The following GNB4 variants were observed in gnomAD, a reference collection of about 807,000 sequenced individuals.
GNB4 encodes the protein guanine nucleotide-binding protein subunit beta-4.
A neutral mutation model predicts 45.2 loss-of-function variants in GNB4; 28 were observed. The ratio of observed to expected loss-of-function variants is 0.62; its 90% confidence interval spans 0.46 to 0.85. GNB4 has a LOEUF of 0.85. Ranked by LOEUF, GNB4 falls within the 40% of genes least tolerant of loss-of-function variation. The pLI is 0.00. For missense variants in GNB4, 321 were observed against 425.4 expected (o/e 0.75, Z 2.16); for synonymous variants, 132 against 143.7 (o/e 0.92, Z 0.58).
chr3:179,519,938 C>T, the GNB4 span, among the ~76,000 whole-genome samples: 1 of 152,164 alleles, frequency 6.6e-6, no homozygotes, highest in Admixed American at 6.5e-5. Flanking sequence ...ACTCCCTTTA[C>T]AGTTCCCCCA....
At chr3:179,494,649 C>T in the GNB4 span, among the ~76,000 whole-genome samples, 22 of 152,064 alleles carry the variant, frequency 1.4e-4, no homozygotes, top group Non-Finnish European at 3.2e-4. Context: ...GTGGCTCACG[C>T]CTGTAATCCC....
chr3:179,476,413 C>G, the GNB4 span, among the ~76,000 whole-genome samples: 2 of 152,324 alleles, frequency 1.3e-5, no homozygotes, highest in Non-Finnish European at 2.9e-5. Context: ...TGCTACAGCT[C>G]TCTAGTGTTG....
In GNB4 at chr3:179,398,577, TA is replaced by T. The variant is rs1040442766; in HGVS notation, c.*2635del. The T allele has an allele frequency of 6.6e-5, 10 of 151,802 alleles. No homozygotes were observed. Among genetic ancestry groups the T allele is most frequent in the African/African-American group, 2.4e-4 (10 of 41,254 alleles). The allele number at this position is 151,802 out of a possible 1,614,324, so 9.4% of individuals were successfully genotyped here. ...CAATATTCTTGATGATGCAAATTTT[TA>T]AAAACTAAATCCAGCCAGATTTTTC... On this transcript the variant is annotated 3_prime_UTR_variant, in exon 10 of 10. Transcript: ENST00000232564.
chr3:179,449,906 A>G (rs999966507), intron 1 of GNB4, among the ~76,000 whole-genome samples: 1 of 152,206 alleles, frequency 6.6e-6, no homozygotes, highest in Admixed American at 6.5e-5. Context: ...TAAAGTGTAA[A>G]AGTATGTGCT....
chr3:179,450,118 T>C (rs771800367), intron 1 of GNB4, among the ~76,000 whole-genome samples: 2 of 152,120 alleles, frequency 1.3e-5, no homozygotes, highest in Non-Finnish European at 2.9e-5. Context: ...TTTAAAAGTT[T>C]CTATTTCAGT....
chr3:179,520,650 G>C, the GNB4 span, among the ~76,000 whole-genome samples: 3 of 152,068 alleles, frequency 2.0e-5, no homozygotes, highest in African/African-American at 7.2e-5. Flanking sequence ...GGCTCCTTCA[G>C]CTGTACTCAC....
chr3:179,509,182 C>T, the GNB4 span, among the ~76,000 whole-genome samples: 4 of 151,204 alleles, frequency 2.6e-5, no homozygotes, highest in Admixed American at 6.6e-5. Flanking sequence ...CACACACACA[C>T]ACACACACAC....
At chr3:179,440,880 T>TAGATAGAGAGAGAG (rs1553769655) in intron 1 of GNB4, among the ~76,000 whole-genome samples, 53 of 149,124 alleles carry the variant, frequency 3.6e-4, no homozygotes, top group African/African-American at 1.2e-3. Flanking sequence ...TATAGATAGA[T>TAGATAGAGAGAGAG]AGAGAGAGAG....
At chr3:179,417,600 C>T (rs145647719) in intron 4 of GNB4, among the ~76,000 whole-genome samples, 489 of 152,240 alleles carry the variant, frequency 3.2e-3, no homozygotes, top group Admixed American at 7.7e-3. Flanking sequence ...GTTGGTCAGG[C>T]TGGTCTTGAA....
the GNB4 span, among the ~76,000 whole-genome samples, chr3:179,482,807 G>A: frequency 0.015 from 2,251 of 152,282 alleles, 63 homozygotes; most frequent in African/African-American, 0.052. Context: ...CTTATGGCAG[G>A]TGGAAAAGTC....
At chr3:179,467,740 T>C in the GNB4 span, among the ~76,000 whole-genome samples, 2 of 152,164 alleles carry the variant, frequency 1.3e-5, no homozygotes, top group African/African-American at 4.8e-5. Context: ...GGATTGAAGG[T>C]AAAATGACTG....
In GNB4 at chr3:179,400,568, T is replaced by C. The variant is rs1438034965; in HGVS notation, c.*645A>G. On this transcript the variant is annotated 3_prime_UTR_variant, in exon 10 of 10. Coordinates refer to ENST00000232564, the MANE Select transcript of GNB4 (RefSeq NM_021629.4). ...ATGTCCAAAATATCAGTGAAATCTC[T>C]AATCTCTGGCCTTCAGATTATCTGT... 1.3e-5 allele frequency: 2 copies of C among 152,204 alleles called. No individual in the cohort carries two copies. The highest frequency in any genetic ancestry group is 2.4e-5 in the African/African-American group (1 of 41,454). The allele number at this position is 152,204 out of a possible 1,614,324, so 9.4% of individuals were successfully genotyped here. A position where few individuals can be genotyped will look rare whatever the true frequency, so the allele number is the denominator to read the frequency against.
At chr3:179,483,361 A>G in the GNB4 span, among the ~76,000 whole-genome samples, 1 of 151,928 alleles carries the variant, frequency 6.6e-6, no homozygotes, top group East Asian at 1.9e-4. Context: ...TATTTTATGA[A>G]TAAATTTATA....
chr3:179,401,372 C>T (rs1714295386), intron 9 of GNB4, 53 bp from the exon 10 acceptor site: 1 of 1,116,772 alleles, frequency 9.0e-7, no homozygotes, highest in South Asian at 1.3e-5. Context: ...TAGAATTAAA[C>T]AAGTATATGC....
chr3:179,520,481 T>C, the GNB4 span, among the ~76,000 whole-genome samples: 1 of 152,152 alleles, frequency 6.6e-6, no homozygotes, highest in African/African-American at 2.4e-5. Flanking sequence ...CTTACTGTTT[T>C]AGCCTAGCCC....
chr3:179,425,998 C>G (rs1715136594), intron 2 of GNB4, 146 bp downstream of exon 2: 1 of 630,778 alleles, frequency 1.6e-6, no homozygotes. Flanking sequence ...ACAAATAGAC[C>G]TCAGTTCTTA....
chr3:179,420,734 G>A (rs1038884360), intron 3 of GNB4, among the ~76,000 whole-genome samples, 155 bp downstream of exon 3: 31 of 152,008 alleles, frequency 2.0e-4, no homozygotes, highest in Non-Finnish European at 3.5e-4. Flanking sequence ...CACTCGCACT[G>A]TATAGCATTT....
chr3:179,408,092 T>C (rs1714528796), intron 8 of GNB4, among the ~76,000 whole-genome samples: 1 of 152,168 alleles, frequency 6.6e-6, no homozygotes, highest in Non-Finnish European at 1.5e-5. Context: ...AATATTTTTA[T>C]GAATATAAAA....
the GNB4 span, among the ~76,000 whole-genome samples, chr3:179,496,007 T>C: frequency 3.1e-4 from 47 of 152,242 alleles, 1 homozygote; most frequent in South Asian, 9.7e-3. Context: ...TATATGGAAG[T>C]GTAAAATTCA....
Sources: gnomAD v4.1 joint callset for allele counts (sites outside exome capture counted in the v4.1 genomes callset) on GRCh38, gnomAD v4.1.1 for gene constraint, MANE v1.5 for transcripts, NCBI Gene and HGNC (gene_info 2026-07-23, HGNC 2026-07-21) for gene names.